Variants in GPR139 observed in about 807,000 individuals in gnomAD.
The protein encoded by GPR139 is probable G protein-coupled receptor 139.
In GPR139, 12 loss-of-function variants were observed where a neutral mutation model predicts 25.8. That is an observed-to-expected ratio of 0.47 (90% confidence interval 0.30 to 0.75). The LOEUF (loss-of-function observed/expected upper bound fraction) is 0.75, where lower values mean the gene tolerates loss of function less well. Among genes scored for constraint, GPR139 ranks in the 30% least tolerant of loss-of-function variants. The pLI, the probability that GPR139 is intolerant of heterozygous loss-of-function variation, is 0.07. For synonymous variants in GPR139, 184 were observed against 179.9 expected (o/e 1.02, Z -0.18); for missense variants, 380 against 450.2 (o/e 0.84, Z 1.41).
intron 1 of GPR139, among the ~76,000 whole-genome samples, chr16:20,060,259 T>C (rs554949836): frequency 1.7e-4 from 25 of 149,850 alleles, no homozygotes; most frequent in Admixed American, 6.0e-4. Flanking sequence ...TGTGTGTGCG[T>C]GTGTGTGTGT....
intron 1 of GPR139, among the ~76,000 whole-genome samples, chr16:20,072,469 T>C (rs1356337503): frequency 2.0e-5 from 3 of 152,140 alleles, no homozygotes; most frequent in Non-Finnish European, 2.9e-5. Context: ...GGATTTTTTT[T>C]CTCTCTTTCT....
rs775849821 is a variant in GPR139, at chr16:20,029,118, A to G, written c.*2617T>C. On this transcript the variant is annotated 3_prime_UTR_variant, in exon 2 of 2. Coordinates refer to ENST00000570682, the MANE Select transcript of GPR139 (RefSeq NM_001002911.4). ...TTTGCATTTTAAGCAGAAGACAGCA[A>G]TTCACTACAGTGCCTTCAAGAATTG... Among the ~76,000 whole-genome samples the G allele has an allele frequency of 7.0e-4, 106 of 152,342 alleles. No homozygotes were observed. Among genetic ancestry groups the G allele is most frequent in the Middle Eastern group, 3.4e-3 (1 of 294 alleles).
chr16:20,032,557 T>G lies in GPR139; in HGVS notation c.240A>C (p.Ile80=), dbSNP rs895582965. 1 of 1,614,014 alleles carries G rather than the reference T, an allele frequency of 6.2e-7. No individual in the cohort carries two copies. Reference sequence around the variant, plus strand: ...CTTCCAACAGGAAGTCCACAAACACTATGAAAAAGAGGACCAAGATGTCGG... The same window carrying G: ...CTTCCAACAGGAAGTCCACAAACACGATGAAAAAGAGGACCAAGATGTCGG... The part of the protein sequence containing the change: ...AAADILVLFF[I]VFVDFLLEDF... Residue 80 remains isoleucine, a synonymous_variant, in exon 2 of 2, where the codon ATA becomes ATC. Transcript: ENST00000570682.
intron 1 of GPR139, among the ~76,000 whole-genome samples, chr16:20,038,723 T>C (rs1268750756): frequency 1.3e-5 from 2 of 152,056 alleles, no homozygotes; most frequent in African/African-American, 4.8e-5. Context: ...CAGAGGGGAA[T>C]GGTGCGGTTC....
chr16:20,062,353 G>T (rs139960825), intron 1 of GPR139, among the ~76,000 whole-genome samples: 1 of 152,314 alleles, frequency 6.6e-6, no homozygotes, highest in East Asian at 1.9e-4. Flanking sequence ...TCTTTCTCCC[G>T]TGAGAGGATA....
intron 1 of GPR139, among the ~76,000 whole-genome samples, chr16:20,040,044 C>G (rs2057324633): frequency 6.6e-6 from 1 of 152,192 alleles, no homozygotes; most frequent in Non-Finnish European, 1.5e-5. Context: ...AGGCACATGC[C>G]ACTTAGGCCA....
intron 1 of GPR139, among the ~76,000 whole-genome samples, chr16:20,048,039 T>C (rs1480375764): frequency 2.6e-5 from 4 of 152,220 alleles, no homozygotes; most frequent in African/African-American, 9.6e-5. Context: ...ATTAATATAT[T>C]GCCAAGCTCT....
chr16:20,033,242 C>T (rs577883140), intron 1 of GPR139, among the ~76,000 whole-genome samples: 2 of 150,260 alleles, frequency 1.3e-5, no homozygotes, highest in Admixed American at 6.6e-5. Flanking sequence ...GAGGTGGTGC[C>T]GCCATTCTCC....
chr16:20,052,409 T>C (rs1292843378), intron 1 of GPR139, among the ~76,000 whole-genome samples: 1 of 152,232 alleles, frequency 6.6e-6, no homozygotes. Flanking sequence ...GAAATCATAA[T>C]AGCAGAAGCA....
At chr16:20,042,059 C>A (rs1324878027) in intron 1 of GPR139, among the ~76,000 whole-genome samples, 2 of 152,162 alleles carry the variant, frequency 1.3e-5, no homozygotes, top group Non-Finnish European at 2.9e-5. Flanking sequence ...AGTCCAGGTT[C>A]AAATCCCAAG....
At chr16:20,072,549 A>T (rs1460760642) in intron 1 of GPR139, among the ~76,000 whole-genome samples, 1 of 152,034 alleles carries the variant, frequency 6.6e-6, no homozygotes, top group Non-Finnish European at 1.5e-5. Flanking sequence ...TGTCACCAAG[A>T]CTGCCTGCAA....
intron 1 of GPR139, among the ~76,000 whole-genome samples, chr16:20,072,191 T>C (rs572715920): frequency 6.6e-6 from 1 of 152,156 alleles, no homozygotes; most frequent in Non-Finnish European, 1.5e-5. Context: ...TGGCGATTAG[T>C]TAGGAATAAA....
intron 1 of GPR139, among the ~76,000 whole-genome samples, chr16:20,042,865 CTGTCTGGGTGCCA>C (rs1310005369): frequency 6.6e-6 from 1 of 152,098 alleles, no homozygotes; most frequent in East Asian, 1.9e-4. Flanking sequence ...TTGGTAATGG[CTGTCTGGGTGCCA>C]TGTTGAAAAG....
chr16:20,071,269 A>T (rs1274014224), intron 1 of GPR139, among the ~76,000 whole-genome samples: 3 of 152,190 alleles, frequency 2.0e-5, no homozygotes, highest in South Asian at 2.1e-4. Flanking sequence ...GTCTCCCCTT[A>T]TGGTTTTAAG....
chr16:20,058,890 G>A (rs1332118781), intron 1 of GPR139, among the ~76,000 whole-genome samples: 5 of 152,178 alleles, frequency 3.3e-5, no homozygotes, highest in African/African-American at 9.7e-5. Flanking sequence ...CGACTGGGAG[G>A]ATCACTCTCC....
chr16:20,050,248 C>A (rs781374617), intron 1 of GPR139, among the ~76,000 whole-genome samples: 1 of 152,118 alleles, frequency 6.6e-6, no homozygotes, highest in African/African-American at 2.4e-5. Flanking sequence ...AGGAGCCAGT[C>A]GAGTGACTGG....
chr16:20,064,607 T>C (rs1224598090), intron 1 of GPR139, among the ~76,000 whole-genome samples: 2 of 152,184 alleles, frequency 1.3e-5, no homozygotes, highest in Non-Finnish European at 2.9e-5. Context: ...TCTTAGCACA[T>C]AGTAATGGCT....
chr16:20,069,421 C>T (rs1333324771), intron 1 of GPR139, among the ~76,000 whole-genome samples: 1 of 152,182 alleles, frequency 6.6e-6, no homozygotes, highest in Non-Finnish European at 1.5e-5. Context: ...GTAAAGAAAA[C>T]ATATCTGCAG....
intron 1 of GPR139, among the ~76,000 whole-genome samples, chr16:20,045,523 C>T (rs2057351389): frequency 1.3e-5 from 2 of 152,132 alleles, no homozygotes; most frequent in Admixed American, 6.5e-5. Context: ...AGGGAACTGA[C>T]CATTAAATAG....
Sources: allele counts gnomAD v4.1 joint callset (sites outside exome capture counted in the v4.1 genomes callset), GRCh38; gene constraint gnomAD v4.1.1; transcripts MANE v1.5; gene names NCBI Gene and HGNC (gene_info 2026-07-23, HGNC 2026-07-21).